VPS13C: variants seen among roughly 807,000 people sequenced by gnomAD.
The protein encoded by VPS13C is vacuolar protein sorting 13 homolog C.
A neutral mutation model predicts 456.8 loss-of-function variants in VPS13C; 358 were observed. That is an observed-to-expected ratio of 0.78 (90% CI 0.72 to 0.86). The LOEUF is 0.86. VPS13C is among the 40% of genes least tolerant of loss of function. The pLI is 0.00. For synonymous variants in VPS13C, 1,578 were observed against 1,486.7 expected, an observed-to-expected ratio of 1.06 and a Z score of -1.41; for missense variants, 4,818 against 4,385.4, an observed-to-expected ratio of 1.10 and a Z score of -2.79.
chr15:61,936,510 T>C, intron 48 of VPS13C, 87 bp downstream of exon 48: 1 of 1,312,128 alleles, frequency 7.6e-7, no homozygotes, highest in Non-Finnish European at 1.0e-6. Context: ...CATACCACAT[T>C]GTGCTGGACA....
chr15:61,922,602 G>T lies in VPS13C; in HGVS notation c.6770C>A (p.Ala2257Glu). 6.2e-7 allele frequency: 1 copy of T among 1,613,964 alleles called. No individual in the cohort carries two copies. The change falls in exon 54 of 85, where the codon GCA (alanine) becomes GAA (glutamate). Residue 2257 changes from alanine to glutamate, a missense_variant. Physicochemically the swap from Ala to Glu is moderately radical, Grantham distance 107 (BLOSUM62 -1). This residue lies in a region of VPS13C where 4,552 missense variants were observed against 4,130.6 expected (regional missense o/e 1.10). Coordinates refer to ENST00000644861, the MANE Select transcript of VPS13C (RefSeq NM_020821.3). ...YNTWFLGVDT[A>E]TEITESFKGI... Reference sequence around the variant, plus strand: ...TTTGAAGCTTTCCGTTATTTCTGTTGCCGTGTCAACACCAAGAAACCAAGT... The same window carrying T: ...TTTGAAGCTTTCCGTTATTTCTGTTTCCGTGTCAACACCAAGAAACCAAGT...
At chr15:61,981,304 T>A in intron 22 of VPS13C, 38 bp downstream of exon 22, 4 of 1,557,954 alleles carry the variant, frequency 2.6e-6, no homozygotes, top group Non-Finnish European at 3.5e-6. Context: ...AGCAAGCAGG[T>A]CAAAGATGGG....
At chr15:61,964,134 G>A (rs918673230) in intron 31 of VPS13C, among the ~76,000 whole-genome samples, 183 bp from the exon 32 acceptor site, 10 of 151,988 alleles carry the variant, frequency 6.6e-5, no homozygotes, top group African/African-American at 2.4e-4. Context: ...ATTTTTAATA[G>A]TGAGATATTA....
intron 16 of VPS13C, among the ~76,000 whole-genome samples, chr15:61,992,611 T>A (rs1425216841): frequency 1.3e-5 from 2 of 152,150 alleles, no homozygotes; most frequent in African/African-American, 4.8e-5. Flanking sequence ...TTGGTGAATG[T>A]AAAGACTAAG....
At chr15:61,857,323 G>A (rs1359076268) in intron 82 of VPS13C, among the ~76,000 whole-genome samples, 1 of 152,132 alleles carries the variant, frequency 6.6e-6, no homozygotes, top group African/African-American at 2.4e-5. Flanking sequence ...GGAACAGATC[G>A]TACTGGCAAA....
intron 3 of VPS13C, among the ~76,000 whole-genome samples, chr15:62,037,267 T>TTATATAATATATATATAAATA (rs1567136533): frequency 4.6e-5 from 1 of 21,724 alleles, no homozygotes; most frequent in African/African-American, 1.8e-4. Flanking sequence ...ATATATTATA[T>TTATATAATATATATATAAATA]TATATAATAT....
intron 55 of VPS13C, among the ~76,000 whole-genome samples, chr15:61,921,187 C>T (rs1201530368): frequency 1.3e-5 from 2 of 152,004 alleles, no homozygotes; most frequent in African/African-American, 4.8e-5. Flanking sequence ...CAGAGAAAGG[C>T]AGGTCAGAAA....
Position 62,006,114 on chromosome 15 carries a change from A to C in VPS13C, c.1290+1194T>G, listed in dbSNP as rs533297765. Among the ~76,000 whole-genome samples, 14 of 146,602 alleles carry C rather than the reference A, an allele frequency of 9.5e-5. No homozygotes were observed. The East Asian group carries it at 1.2e-3, about 12-fold the overall frequency. On this transcript the variant is annotated intron_variant, in intron 15 of 84. Transcript: ENST00000644861. ...AAGAAATTCTTATTTTTTTTTTATT[A>C]TTATTATACTTTAAGTTCTAGGGTA...
intron 66 of VPS13C, among the ~76,000 whole-genome samples, chr15:61,890,631 A>G (rs971373131): frequency 1.3e-5 from 2 of 152,202 alleles, no homozygotes; most frequent in African/African-American, 4.8e-5. Context: ...CTAAGTCTGA[A>G]TTACCTACTG....
intron 74 of VPS13C, among the ~76,000 whole-genome samples, chr15:61,878,120 T>A (rs1895589660): frequency 6.6e-6 from 1 of 151,874 alleles, no homozygotes; most frequent in African/African-American, 2.4e-5. Flanking sequence ...GTCTTTTCAG[T>A]TTAGGTTTTA....
intron 67 of VPS13C, among the ~76,000 whole-genome samples, chr15:61,888,125 G>A (rs1316610782): frequency 2.6e-5 from 4 of 152,054 alleles, no homozygotes; most frequent in Non-Finnish European, 4.4e-5. Flanking sequence ...TCAGAAAACC[G>A]CAAAGTAAAA....
intron 30 of VPS13C, among the ~76,000 whole-genome samples, chr15:61,965,212 G>T (rs527387637): frequency 2.0e-5 from 3 of 151,958 alleles, no homozygotes; most frequent in African/African-American, 7.2e-5. Flanking sequence ...AAAATTATAA[G>T]TCAAAAGGCG....
Position 61,914,878 on chromosome 15 carries a change from TAAAAAAAAA to T in VPS13C, c.8445+746_8445+754del, listed in dbSNP as rs60910951. 5.9e-4 allele frequency among the ~76,000 whole-genome samples: 60 copies of T among 102,048 alleles called. 4 individuals are homozygous for T. The South Asian group carries it at 0.011, about 19-fold the overall frequency. The allele number at this position is 102,048 out of a possible 152,430, so 66.9% of individuals were successfully genotyped here. A position where few individuals can be genotyped will look rare whatever the true frequency, so the allele number is the denominator to read the frequency against. ...ACCGAGCCTGGCCAAAACTCTGCCT[TAAAAAAAAA>T]AAAAAAAAAAAAAAAAAAAAAACCT... is the stretch of plus-strand genomic sequence containing the variant. On this transcript the variant is annotated intron_variant, in intron 61 of 84. Transcript: ENST00000644861.
chr15:61,927,846 G>A (rs1009771256), intron 51 of VPS13C, among the ~76,000 whole-genome samples: 6 of 152,168 alleles, frequency 3.9e-5, no homozygotes, highest in African/African-American at 1.2e-4. Context: ...TATACACCAT[G>A]GAATACTATG....
chr15:61,949,980 T>C (rs1265302419), intron 41 of VPS13C, among the ~76,000 whole-genome samples: 1 of 152,214 alleles, frequency 6.6e-6, no homozygotes, highest in African/African-American at 2.4e-5. Context: ...TACCAGGCCT[T>C]GCTTTATGCT....
intron 3 of VPS13C, among the ~76,000 whole-genome samples, chr15:62,039,383 T>TG (rs34285057): frequency 6.6e-6 from 1 of 151,974 alleles, no homozygotes; most frequent in Non-Finnish European, 1.5e-5. Flanking sequence ...AGCTAAACAA[T>TG]GGGTACAAAT....
At chr15:61,864,772 T>G in intron 81 of VPS13C, 1 of 985,428 alleles carries the variant, frequency 1.0e-6, no homozygotes, top group Non-Finnish European at 1.2e-6. Context: ...TGTTTCACAA[T>G]TCACTTGTGC....
chr15:61,996,620 A>C (rs34424197), intron 16 of VPS13C, among the ~76,000 whole-genome samples: 8,869 of 152,196 alleles, frequency 0.058, 333 homozygotes, highest in Non-Finnish European at 0.084. Flanking sequence ...AACACACTGG[A>C]AATTACTAAA....
intron 81 of VPS13C, chr15:61,865,404 G>C (rs1390314896): frequency 1.0e-6 from 1 of 983,224 alleles, no homozygotes; most frequent in Non-Finnish European, 1.2e-6. Flanking sequence ...ATGTTAATGA[G>C]GCATTTCTAA....
Sources: allele counts gnomAD v4.1 joint callset (sites outside exome capture counted in the v4.1 genomes callset), GRCh38; gene constraint gnomAD v4.1.1; regional missense constraint gnomAD v4.1.1; transcripts MANE v1.5; gene names NCBI Gene and HGNC (gene_info 2026-07-23, HGNC 2026-07-21).